Variants in FCRL2 observed in about 807,000 individuals in gnomAD.
FCRL2 encodes the protein Fc receptor like 2.
Under a neutral mutation model 59.8 loss-of-function variants are expected in FCRL2, and 48 were observed. The observed-to-expected ratio is 0.80, with a 90% CI of 0.64 to 1.02. FCRL2 has a LOEUF of 1.02. Ranked by LOEUF, FCRL2 falls within the 50% of genes least tolerant of loss-of-function variation. The pLI is 0.00. For missense variants in FCRL2, 658 were observed against 597.3 expected (o/e 1.10, Z -1.06); for synonymous variants, 251 against 229.5 (o/e 1.09, Z -0.85).
chr1:157,766,844 G>C lies in FCRL2; in HGVS notation c.1279+11C>G, dbSNP rs1571282620. On this transcript the variant is annotated intron_variant, in intron 7 of 11. Coordinates refer to ENST00000361516, the MANE Select transcript of FCRL2 (RefSeq NM_030764.4). ...TAGCAAAATATGGAGAATCCAAATG[G>C]TAGATACAACCTGATATCTTGTGGA... is the stretch of plus-strand genomic sequence containing the variant. 1 of 1,614,098 alleles carries C rather than the reference G, an allele frequency of 6.2e-7. No individual in the cohort carries two copies. The highest frequency in any genetic ancestry group is 1.7e-5 in the Admixed American group (1 of 60,020).
chr1:157,769,842 A>G, intron 4 of FCRL2, 24 bp downstream of exon 4: 2 of 1,597,574 alleles, frequency 1.3e-6, no homozygotes, highest in Non-Finnish European at 1.7e-6. Flanking sequence ...TTTTTTCTCC[A>G]GGCTCAGCCT....
Position 157,746,665 on chromosome 1 carries a change from T to A in FCRL2, c.*71A>T, listed in dbSNP as rs1647767389. The A allele has an allele frequency of 6.6e-7, 1 of 1,516,524 alleles. No individual in the cohort carries two copies. The highest frequency in any genetic ancestry group is 9.1e-7 in the Non-Finnish European group (1 of 1,093,646). 93.9% of individuals were successfully genotyped at this position (1,516,524 alleles called of 1,614,324 possible). On this transcript the variant is annotated 3_prime_UTR_variant, in exon 12 of 12. Transcript: ENST00000361516. ...AGGTGATAAGCCTCAAGCATTTTCA[T>A]AAGGTTTTATAGCAAGTCTTAATGA...
Position 157,746,219 on chromosome 1 carries a change from C to T in FCRL2, c.*517G>A, listed in dbSNP as rs758570202. 19 of 153,544 alleles carry T rather than the reference C, an allele frequency of 1.2e-4. No homozygotes were observed. The highest frequency in any genetic ancestry group is 2.2e-4 in the Non-Finnish European group (15 of 68,992). 9.5% of individuals were successfully genotyped at this position (153,544 alleles called of 1,614,324 possible). On this transcript the variant is annotated 3_prime_UTR_variant, in exon 12 of 12. Transcript: ENST00000361516. ...ATGCCAAAAAATCAAGGAGGAAGGG[C>T]TCCTGCCTAACTCATTCTATGAAGC...
chr1:157,758,299 G>T (rs1343413502), intron 7 of FCRL2, among the ~76,000 whole-genome samples: 1 of 151,980 alleles, frequency 6.6e-6, no homozygotes, highest in East Asian at 1.9e-4. Context: ...AGCAGAGAGG[G>T]GTAAAGAAGC....
At chr1:157,768,889 A>C (rs1649750936) in intron 4 of FCRL2, 188 bp from the exon 5 acceptor site, 1 of 628,474 alleles carries the variant, frequency 1.6e-6, no homozygotes. Context: ...AGACATTTGA[A>C]TGTCCTAACC....
intron 7 of FCRL2, among the ~76,000 whole-genome samples, chr1:157,758,702 A>AAAAAAC (rs1306402250): frequency 6.7e-6 from 1 of 148,588 alleles, no homozygotes. Flanking sequence ...AAAAAAAAAA[A>AAAAAAC]CAAAGCTGGA....
intron 2 of FCRL2, among the ~76,000 whole-genome samples, chr1:157,771,398 A>T (rs1276470862): frequency 6.6e-6 from 1 of 152,058 alleles, no homozygotes; most frequent in Non-Finnish European, 1.5e-5. Flanking sequence ...CCCTCTTCTT[A>T]CCTCACCAGA....
chr1:157,768,690 A>T lies in FCRL2; in HGVS notation c.607T>A (p.Ser203Thr). 6.2e-7 allele frequency: 1 copy of T among 1,609,936 alleles called. No individual in the cohort carries two copies. The highest frequency in any genetic ancestry group is 8.5e-7 in the Non-Finnish European group (1 of 1,177,750). Residue 203 changes from serine (S) to threonine (T), a missense_variant, in exon 5 of 12, where the codon TCT becomes ACT. Physicochemically the swap from Ser to Thr is moderately conservative, Grantham distance 58. Coordinates refer to ENST00000361516, the MANE Select transcript of FCRL2 (RefSeq NM_030764.4). ...SQIHVQRIPISNVSLEIRAPG... is the reference protein window; with the variant it reads ...SQIHVQRIPITNVSLEIRAPG... ...GCCCGGATCTCCAAGCTTACATTAG[A>T]GATGGGGATTCCTAGATGGATATAA...
chr1:157,774,596 C>A, intron 2 of FCRL2: 1 of 392,850 alleles, frequency 2.5e-6, no homozygotes. Context: ...AGGGAGCCTG[C>A]TGTCTTGGCA....
At chr1:157,757,178 G>C (rs768240383) in intron 7 of FCRL2, among the ~76,000 whole-genome samples, 8 of 152,206 alleles carry the variant, frequency 5.3e-5, no homozygotes, top group Non-Finnish European at 1.2e-4. Flanking sequence ...AATAACAAAA[G>C]TGACAGATTA....
At chr1:157,775,113 G>C (rs1186288651) in intron 2 of FCRL2, among the ~76,000 whole-genome samples, 1 of 152,182 alleles carries the variant, frequency 6.6e-6, no homozygotes, top group East Asian at 1.9e-4. Context: ...TAGAGCACGG[G>C]TTGGCAAATT....
At chr1:157,763,115 GA>G (rs1649226671) in intron 7 of FCRL2, among the ~76,000 whole-genome samples, 1 of 152,040 alleles carries the variant, frequency 6.6e-6, no homozygotes. Flanking sequence ...TACACACTAA[GA>G]GAAAAAACAA....
At chr1:157,767,911 A>G (rs932547721) in intron 5 of FCRL2, 1 of 380,232 alleles carries the variant, frequency 2.6e-6, no homozygotes, top group African/African-American at 2.1e-5. Flanking sequence ...ATGTTTATTC[A>G]GCCCAGTTCA....
Position 157,770,134 on chromosome 1 carries a change from AG to A in FCRL2, c.326del (p.Pro109LeufsTer3). The A allele has an allele frequency of 6.2e-7, 1 of 1,613,872 alleles. No individual in the cohort carries two copies. The highest frequency in any genetic ancestry group is 1.3e-5 in the African/African-American group (1 of 75,058). On this transcript the variant is annotated frameshift_variant, in exon 4 of 12. Coordinates refer to ENST00000361516, the MANE Select transcript of FCRL2 (RefSeq NM_030764.4). LOFTEE classifies it high-confidence loss of function. ...KIKVQELFQR[P>X]VLTASSFQPI... ...GCTGGAAGGAGCTGGCAGTCAGCAC[AG>A]GACGTTGAAAGAGCTCTAGAGAGAA...
chr1:157,774,449 C>A (rs1410454710), intron 2 of FCRL2: 2 of 456,286 alleles, frequency 4.4e-6, no homozygotes, highest in African/African-American at 4.0e-5. Flanking sequence ...TAAGTTCTCT[C>A]TTACTCTTTT....
intron 7 of FCRL2, among the ~76,000 whole-genome samples, chr1:157,761,940 A>G (rs1462383387): frequency 6.6e-6 from 1 of 152,236 alleles, no homozygotes; most frequent in African/African-American, 2.4e-5. Context: ...ACAACTAGAA[A>G]GGCTGGGCAA....
intron 10 of FCRL2, among the ~76,000 whole-genome samples, chr1:157,747,568 A>G (rs1349677638): frequency 6.6e-6 from 1 of 152,240 alleles, no homozygotes; most frequent in Non-Finnish European, 1.5e-5. Context: ...ACCCACCTTC[A>G]GAGGCTCAGA....
intron 7 of FCRL2, among the ~76,000 whole-genome samples, chr1:157,763,907 A>C (rs967050781): frequency 4.6e-5 from 7 of 151,660 alleles, no homozygotes; most frequent in Admixed American, 4.6e-4. Flanking sequence ...GCAGGCACCT[A>C]TAATCCCAGC....
At chr1:157,760,174 T>A (rs1648909855) in intron 7 of FCRL2, among the ~76,000 whole-genome samples, 1 of 152,104 alleles carries the variant, frequency 6.6e-6, no homozygotes. Flanking sequence ...TTATCCTAAG[T>A]GAATTAACAC....
Sources: gnomAD v4.1 joint callset for allele counts (sites outside exome capture counted in the v4.1 genomes callset) on GRCh38, gnomAD v4.1.1 for gene constraint, MANE v1.5 for transcripts, NCBI Gene and HGNC (gene_info 2026-07-23, HGNC 2026-07-21) for gene names.